The following TMEM128 variants were observed in gnomAD, a reference collection of about 807,000 sequenced individuals.
TMEM128 encodes transmembrane protein 128.
TMEM128 carries 16 observed loss-of-function variants against 19.7 expected under a neutral mutation model. The observed-to-expected ratio is 0.81, with a 90% CI of 0.55 to 1.23. The LOEUF (loss-of-function observed/expected upper bound fraction) is 1.23. Among genes scored for constraint, TMEM128 ranks in the 50% most tolerant of loss-of-function variants. The probability of loss-of-function intolerance (pLI) is 0.00; values close to 1 mark genes in which losing one functional copy is unlikely to be tolerated. For missense variants in TMEM128, 237 were observed against 200.8 expected (o/e 1.18, Z -1.09); for synonymous variants, 98 against 75.8 (o/e 1.29, Z -1.52).
At chr4:4,247,681 G>T (rs542848009) in intron 1 of TMEM128, 1 of 1,613,562 alleles carries the variant, frequency 6.2e-7, no homozygotes, top group East Asian at 2.2e-5. Context: ...CATACGAGTC[G>T]ACCTGATGTG....
intron 2 of TMEM128, 106 bp from the exon 3 acceptor site, chr4:4,240,585 T>C (rs1717914368): frequency 1.6e-6 from 2 of 1,272,704 alleles, no homozygotes; most frequent in Non-Finnish European, 2.2e-6. Context: ...GAATATCAAG[T>C]GTTGCAGAGG....
chr4:4,240,421 T>C lies in TMEM128; in HGVS notation c.298A>G (p.Ile100Val). The C allele has an allele frequency of 1.2e-6, 2 of 1,614,060 alleles. No homozygotes were observed. The highest frequency in any genetic ancestry group is 2.2e-5 in the East Asian group (1 of 44,878). Residue 100 changes from isoleucine to valine, a missense_variant, in exon 3 of 5, where the codon ATA (isoleucine) becomes GTA (valine). Coordinates refer to ENST00000382753, the MANE Select transcript of TMEM128 (RefSeq NM_001297551.2). ...CCACAATACCATTCCAGGTAGACTA[T>C]GCAGTAAAATGCAATTGATAAACTG... ...LVSLSIAFYCIVYLEWYCGIG... is the reference protein window; with the variant it reads ...LVSLSIAFYCVVYLEWYCGIG...
In TMEM128 at chr4:4,242,371, A is replaced by C. The variant is rs77871096; in HGVS notation, c.240-1892T>G. Among the ~76,000 whole-genome samples the C allele has an allele frequency of 1.4e-3, 214 of 152,226 alleles. 5 individuals carry two copies. In the East Asian group the frequency reaches 0.04, roughly 29 times the overall value. On this transcript the variant is annotated intron_variant, in intron 2 of 4. Transcript: ENST00000382753. The stretch of plus-strand genomic sequence containing the variant: ...TTGTATGTATAAAGCATAGATATGC[A>C]TGCAGTATATAAATGATATAGTTTA...
At chr4:4,236,947 T>C in intron 4 of TMEM128, 1 of 305,824 alleles carries the variant, frequency 3.3e-6, no homozygotes. Context: ...GCACTATCTT[T>C]GTCCTTCTCA....
intron 2 of TMEM128, among the ~76,000 whole-genome samples, chr4:4,245,666 C>T (rs1718136465): frequency 6.6e-6 from 1 of 152,120 alleles, no homozygotes; most frequent in Non-Finnish European, 1.5e-5. Context: ...CACACCCTCT[C>T]ATTGGTTTTA....
At chr4:4,244,179 G>A (rs1718073219) in intron 2 of TMEM128, among the ~76,000 whole-genome samples, 1 of 152,104 alleles carries the variant, frequency 6.6e-6, no homozygotes, top group Non-Finnish European at 1.5e-5. Context: ...GGTGGTTAAA[G>A]TACCCATCCC....
chr4:4,237,336 A>C (rs1444356952), intron 4 of TMEM128, among the ~76,000 whole-genome samples: 1 of 152,186 alleles, frequency 6.6e-6, no homozygotes, highest in Non-Finnish European at 1.5e-5. Context: ...TGGAAGGTAC[A>C]AATCCTGTCT....
At chr4:4,240,553 T>G (rs1319737902) in intron 2 of TMEM128, 74 bp from the exon 3 acceptor site, 30 of 1,484,056 alleles carry the variant, frequency 2.0e-5, no homozygotes, top group Non-Finnish European at 2.7e-5. Context: ...TTTTTACTAA[T>G]AGCTTAAAAA....
At chr4:4,237,464 C>T (rs1216410378) in intron 4 of TMEM128, among the ~76,000 whole-genome samples, 2 of 152,142 alleles carry the variant, frequency 1.3e-5, no homozygotes, top group Non-Finnish European at 2.9e-5. Context: ...CATAAGGAGA[C>T]TCTGTTTCTA....
intron 2 of TMEM128, among the ~76,000 whole-genome samples, chr4:4,245,911 CAG>C (rs1384285713): frequency 1.2e-4 from 18 of 152,170 alleles, no homozygotes; most frequent in East Asian, 3.9e-4. Context: ...GGTGGGGTAA[CAG>C]GGGGAGGACA....
At chr4:4,239,322 A>G (rs1287426607) in intron 3 of TMEM128, among the ~76,000 whole-genome samples, 8 of 152,246 alleles carry the variant, frequency 5.3e-5, no homozygotes, top group African/African-American at 1.9e-4. Flanking sequence ...GACAGGTTAA[A>G]TAAATCATGT....
At position 4,240,340 on chromosome 4, in the gene TMEM128, A is replaced by C; in HGVS notation, c.379T>G (p.Phe127Val). The C allele has an allele frequency of 6.2e-7, 1 of 1,613,630 alleles. No individual in the cohort carries two copies. The highest frequency in any genetic ancestry group is 8.5e-7 in the Non-Finnish European group (1 of 1,179,856). The change falls in exon 3 of 5, where the codon TTT becomes GTT. Residue 127 changes from phenylalanine (F) to valine (V), a missense_variant. By Grantham distance (50) the Phe-to-Val change is conservative. Coordinates refer to ENST00000382753, the MANE Select transcript of TMEM128 (RefSeq NM_001297551.2). ...ACTTACCAAATTCCTGCTGCAATAAAGGAGGCAGTGGTAATGGGTATCAAG... is the reference window on the plus strand; with the variant it reads ...ACTTACCAAATTCCTGCTGCAATAACGGAGGCAGTGGTAATGGGTATCAAG... ...PALIPITTASFIAAGICFNIA... is the reference protein window; with the variant it reads ...PALIPITTASVIAAGICFNIA...
intron 2 of TMEM128, among the ~76,000 whole-genome samples, chr4:4,243,270 G>C (rs12509889): frequency 0.31 from 46,962 of 151,872 alleles, 7,867 homozygotes; most frequent in East Asian, 0.46. Flanking sequence ...TTTTAGTAGA[G>C]ACGGGGTTTC....
intron 2 of TMEM128, among the ~76,000 whole-genome samples, chr4:4,245,445 G>A (rs1370722937): frequency 6.6e-6 from 1 of 152,024 alleles, no homozygotes; most frequent in African/African-American, 2.4e-5. Flanking sequence ...AACCAACCCT[G>A]AGACCCAATT....
chr4:4,246,668 G>T (rs1039090966), intron 1 of TMEM128, among the ~76,000 whole-genome samples: 5 of 152,142 alleles, frequency 3.3e-5, no homozygotes, highest in African/African-American at 1.2e-4. Flanking sequence ...AAAGTAATTA[G>T]TCTTGTTAAT....
chr4:4,242,351 T>C (rs67635842), intron 2 of TMEM128, among the ~76,000 whole-genome samples: 46,714 of 151,520 alleles, frequency 0.31, 7,838 homozygotes, highest in East Asian at 0.46. Flanking sequence ...TCTAATTGTA[T>C]GTATAAAGCA....
At chr4:4,245,803 T>C (rs1010746205) in intron 2 of TMEM128, among the ~76,000 whole-genome samples, 5 of 152,012 alleles carry the variant, frequency 3.3e-5, no homozygotes, top group Non-Finnish European at 7.4e-5. Context: ...TATATATGAA[T>C]ATATATATAC....
At chr4:4,247,711 A>G in intron 1 of TMEM128, 2 of 1,598,032 alleles carry the variant, frequency 1.3e-6, no homozygotes, top group African/African-American at 2.7e-5. Flanking sequence ...CATATACCCA[A>G]ATTTACTTAA....
chr4:4,239,314 C>T (rs1258219190), intron 3 of TMEM128, among the ~76,000 whole-genome samples: 1 of 152,060 alleles, frequency 6.6e-6, no homozygotes, highest in African/African-American at 2.4e-5. Context: ...CAACAGAAGA[C>T]AGGTTAAATA....
Sources: gnomAD v4.1 joint callset for allele counts (sites outside exome capture counted in the v4.1 genomes callset) on GRCh38, gnomAD v4.1.1 for gene constraint, MANE v1.5 for transcripts, NCBI Gene and HGNC (gene_info 2026-07-23, HGNC 2026-07-21) for gene names.